The following UNC5C variants were observed in gnomAD, a reference collection of about 807,000 sequenced individuals.
UNC5C encodes the protein unc-5 netrin receptor C, also known as netrin receptor UNC5C.
In UNC5C, 47 loss-of-function variants were observed where a neutral mutation model predicts 99.8. The observed-to-expected ratio is 0.47, with a 90% CI of 0.37 to 0.60. The LOEUF (loss-of-function observed/expected upper bound fraction) is 0.60. Ranked by LOEUF, UNC5C falls within the 20% of genes least tolerant of loss-of-function variation. The pLI, the probability that UNC5C is intolerant of heterozygous loss-of-function variation, is 0.00. For synonymous variants in UNC5C, 487 were observed against 452.2 expected, an observed-to-expected ratio of 1.08 and a Z score of -0.98; for missense variants, 1,062 against 1,165.9, an observed-to-expected ratio of 0.91 and a Z score of 1.30.
chr4:95,343,543 A>G (rs1032539569), intron 1 of UNC5C, among the ~76,000 whole-genome samples: 2 of 152,142 alleles, frequency 1.3e-5, no homozygotes, highest in African/African-American at 4.8e-5. Context: ...ATAAACATCC[A>G]CAAGTATCAA....
In UNC5C at chr4:95,330,214, T is replaced by C. The variant is rs537944839; in HGVS notation, c.346+5196A>G. On this transcript the variant is annotated intron_variant, in intron 2 of 15. Coordinates refer to ENST00000453304, the MANE Select transcript of UNC5C (RefSeq NM_003728.4). ...GCTAAGATCAAACTCTTTTAACTTC[T>C]TTAGCATTATATTTATAATGAGTTG... is the stretch of plus-strand genomic sequence containing the variant. Among the ~76,000 whole-genome samples the C allele has an allele frequency of 2.6e-5, 4 of 152,234 alleles. No individual in the cohort carries two copies. The South Asian group carries it at 8.3e-4, about 32-fold the overall frequency.
intron 7 of UNC5C, among the ~76,000 whole-genome samples, chr4:95,229,586 A>G (rs1738826001): frequency 6.6e-6 from 1 of 152,136 alleles, no homozygotes; most frequent in Non-Finnish European, 1.5e-5. Flanking sequence ...TGCAATAAAC[A>G]TATGTGCGCA....
rs760275963 is a variant in UNC5C, at chr4:95,301,562, TA to T, written c.490+43del. On this transcript the variant is annotated intron_variant, in intron 3 of 15. Transcript: ENST00000453304. Reference sequence around the variant, plus strand: ...CACAGTGTAAACTTTCCCTTATGTGTATCAACTTCTGAGACCCAAGGTGCTT... The same window carrying T: ...CACAGTGTAAACTTTCCCTTATGTGTTCAACTTCTGAGACCCAAGGTGCTT... 6 of 1,611,966 alleles carry T rather than the reference TA, an allele frequency of 3.7e-6. No individual in the cohort carries two copies. The African/African-American group carries it at 8.0e-5, about 22-fold the overall frequency.
intron 1 of UNC5C, among the ~76,000 whole-genome samples, chr4:95,499,989 C>T (rs1203766783): frequency 2.6e-5 from 4 of 151,832 alleles, no homozygotes; most frequent in African/African-American, 9.7e-5. Flanking sequence ...ATCCCTCCAT[C>T]CTTGGAAGAC....
At chr4:95,244,909 T>C in intron 6 of UNC5C, 68 bp downstream of exon 6, 3 of 1,581,554 alleles carry the variant, frequency 1.9e-6, no homozygotes, top group African/African-American at 1.4e-5. Context: ...AGTCTGTGTA[T>C]CTATTCTCTA....
At chr4:95,490,513 A>T (rs1721454023) in intron 1 of UNC5C, among the ~76,000 whole-genome samples, 1 of 151,766 alleles carries the variant, frequency 6.6e-6, no homozygotes, top group Admixed American at 6.6e-5. Flanking sequence ...GAAATAAGGC[A>T]TAAGTAACAC....
intron 1 of UNC5C, among the ~76,000 whole-genome samples, chr4:95,363,379 T>C (rs1245413577): frequency 1.3e-5 from 2 of 152,172 alleles, no homozygotes; most frequent in East Asian, 3.9e-4. Flanking sequence ...GGGAGATTCA[T>C]TGAACATCAG....
intron 1 of UNC5C, among the ~76,000 whole-genome samples, chr4:95,520,133 A>C (rs371486748): frequency 1.3e-5 from 2 of 152,242 alleles, no homozygotes; most frequent in Admixed American, 1.3e-4. Context: ...CACAGAGCTT[A>C]TCAAGTCTCT....
At chr4:95,179,907 T>C (rs1456303604) in intron 14 of UNC5C, among the ~76,000 whole-genome samples, 1 of 152,196 alleles carries the variant, frequency 6.6e-6, no homozygotes, top group Non-Finnish European at 1.5e-5. Context: ...TTTTTGTTTA[T>C]ATTTAGTTTT....
At chr4:95,245,220 A>T (rs1178680368) in intron 5 of UNC5C, 76 bp from the exon 6 acceptor site, 1 of 1,405,662 alleles carries the variant, frequency 7.1e-7, no homozygotes, top group Non-Finnish European at 9.4e-7. Context: ...CAAAACAGAC[A>T]CAATATGTAA....
chr4:95,407,234 A>G (rs1745855675), intron 1 of UNC5C, among the ~76,000 whole-genome samples: 1 of 152,150 alleles, frequency 6.6e-6, no homozygotes, highest in South Asian at 2.1e-4. Context: ...TCGATTGACT[A>G]TATGAAGAGA....
chr4:95,322,940 A>C (rs1742747052), intron 2 of UNC5C, among the ~76,000 whole-genome samples: 1 of 146,262 alleles, frequency 6.8e-6, no homozygotes, highest in Admixed American at 6.7e-5. Context: ...TCTGTCTCAA[A>C]AAAAAAAAAA....
At chr4:95,479,455 T>G (rs536292926) in intron 1 of UNC5C, among the ~76,000 whole-genome samples, 4 of 151,964 alleles carry the variant, frequency 2.6e-5, no homozygotes, top group Non-Finnish European at 5.9e-5. Context: ...GATTGAGATC[T>G]TGTAGTATAA....
intron 2 of UNC5C, among the ~76,000 whole-genome samples, chr4:95,308,905 A>G (rs560097586): frequency 6.6e-6 from 1 of 152,234 alleles, no homozygotes; most frequent in African/African-American, 2.4e-5. Context: ...AACTCCAATG[A>G]CAATTTTCAC....
rs116006342 is a variant in UNC5C at position 95,195,876 on chromosome 4, G to T, written c.2136+6855C>A. ...GGCACATGAAATTTATCCAAGGAAG[G>T]TCTTCTCCATGCCCAATGAGTCCAT... On this transcript the variant is annotated intron_variant, in intron 12 of 15. Coordinates refer to ENST00000453304, the MANE Select transcript of UNC5C (RefSeq NM_003728.4). Among the ~76,000 whole-genome samples, 1,221 of 150,720 alleles carry T rather than the reference G, an allele frequency of 8.1e-3. 15 individuals carry two copies. The highest frequency in any genetic ancestry group is 0.027 in the African/African-American group (1,109 of 40,828).
chr4:95,438,724 C>T (rs887269287), intron 1 of UNC5C, among the ~76,000 whole-genome samples: 7 of 152,140 alleles, frequency 4.6e-5, no homozygotes, highest in Admixed American at 2.6e-4. Flanking sequence ...TATTTCCATT[C>T]TGCATCTGAT....
At chr4:95,367,155 C>A (rs1305034408) in intron 1 of UNC5C, among the ~76,000 whole-genome samples, 1 of 151,460 alleles carries the variant, frequency 6.6e-6, no homozygotes, top group Non-Finnish European at 1.5e-5. Context: ...GTACGTCAGA[C>A]CTAGAATTTG....
At chr4:95,424,670 C>T (rs1016593921) in intron 1 of UNC5C, among the ~76,000 whole-genome samples, 3 of 151,176 alleles carry the variant, frequency 2.0e-5, no homozygotes, top group Admixed American at 6.6e-5. Context: ...TACAGGTGCC[C>T]CCCACCACGC....
intron 1 of UNC5C, among the ~76,000 whole-genome samples, chr4:95,357,593 A>T (rs1323049598): frequency 6.6e-6 from 1 of 152,114 alleles, no homozygotes; most frequent in Non-Finnish European, 1.5e-5. Context: ...GGTCAGCCTG[A>T]TCAACATAGC....
Sources: gnomAD v4.1 joint callset for allele counts (sites outside exome capture counted in the v4.1 genomes callset) on GRCh38, gnomAD v4.1.1 for gene constraint, MANE v1.5 for transcripts, NCBI Gene and HGNC (gene_info 2026-07-23, HGNC 2026-07-21) for gene names.